GTPBP4: variants seen among roughly 807,000 people sequenced by gnomAD.
GTPBP4 encodes GTP binding protein 4.
A neutral mutation model predicts 81.7 loss-of-function variants in GTPBP4; 15 were observed. The observed-to-expected ratio is 0.18, with a 90% CI of 0.12 to 0.28. The LOEUF (loss-of-function observed/expected upper bound fraction) is 0.28. GTPBP4 is among the 10% of genes least tolerant of loss of function. The pLI is 1.00. For missense variants in GTPBP4, 847 were observed against 793.8 expected, an observed-to-expected ratio of 1.07 and a Z score of -0.81; for synonymous variants, 272 against 274.6, an observed-to-expected ratio of 0.99 and a Z score of 0.09.
chr10:1,006,027 A>G, intron 9 of GTPBP4, 120 bp downstream of exon 9: 1 of 624,992 alleles, frequency 1.6e-6, no homozygotes, highest in Non-Finnish European at 2.8e-6. Context: ...CCCTCGCAGT[A>G]GCGAGGCGGG....
rs1480793428 is a variant in GTPBP4 at position 1,018,686 on chromosome 10, T to G, written c.*1459T>G. 6.6e-6 allele frequency: 1 copy of G among 151,332 alleles called. No individual in the cohort carries two copies. The highest frequency in any genetic ancestry group is 1.5e-5 in the Non-Finnish European group (1 of 68,000). The allele number at this position is 151,332 out of a possible 1,614,324, so 9.4% of individuals were successfully genotyped here. A position where few individuals can be genotyped will look rare whatever the true frequency, so the allele number is the denominator to read the frequency against. On this transcript the variant is annotated 3_prime_UTR_variant, in exon 17 of 17. Coordinates refer to ENST00000360803, the MANE Select transcript of GTPBP4 (RefSeq NM_012341.3). ...AGCTGGGTGTGGTGGCGGGCGCCTGTAGTCCCAACTACTTGGGAGGCTGAG... is the reference window on the plus strand; with the variant it reads ...AGCTGGGTGTGGTGGCGGGCGCCTGGAGTCCCAACTACTTGGGAGGCTGAG...
chr10:988,667 G>A (rs532494737), intron 1 of GTPBP4, 140 bp downstream of exon 1: 3 of 650,684 alleles, frequency 4.6e-6, no homozygotes, highest in East Asian at 2.7e-5. Context: ...CCGTCTGGCC[G>A]CGTACTCGGG....
Position 990,918 on chromosome 10 carries a change from C to A in GTPBP4, c.49-1571C>A, listed in dbSNP as rs537180438. On this transcript the variant is annotated intron_variant, in intron 1 of 16. Transcript: ENST00000360803. ...TGACTTGGTCCCCCTTCAGGATGTGCGAACGGCATTAGGTGCAGAAGAACG... is the reference window on the plus strand; with the variant it reads ...TGACTTGGTCCCCCTTCAGGATGTGAGAACGGCATTAGGTGCAGAAGAACG... 1.1e-4 allele frequency among the ~76,000 whole-genome samples: 16 copies of A among 151,672 alleles called. No homozygotes were observed. The East Asian group carries it at 2.7e-3, about 26-fold the overall frequency.
At chr10:997,553 CTTTG>C (rs1831556467) in intron 5 of GTPBP4, among the ~76,000 whole-genome samples, 2 of 152,380 alleles carry the variant, frequency 1.3e-5, no homozygotes, top group Non-Finnish European at 2.9e-5. Flanking sequence ...TGAGGATTTA[CTTTG>C]TCTGTATCTA....
rs1262100615 is a variant in GTPBP4 at position 996,903 on chromosome 10, T to C, written c.461-305T>C. The C allele has an allele frequency of 3.3e-5, 11 of 328,896 alleles. No homozygotes were observed. In the East Asian group the frequency reaches 6.4e-4, roughly 19 times the overall value. The allele number at this position is 328,896 out of a possible 1,614,324, so 20.4% of individuals were successfully genotyped here. A position where few individuals can be genotyped will look rare whatever the true frequency, so the allele number is the denominator to read the frequency against. ...TGGTTCCCTAATGTCATCTTGCTAA[T>C]GAGAATTGTCTGGACACTGCCAGAC... On this transcript the variant is annotated intron_variant, in intron 4 of 16. Transcript: ENST00000360803.
intron 8 of GTPBP4, 128 bp downstream of exon 8, chr10:1,001,141 T>G: frequency 1.5e-6 from 1 of 662,460 alleles, no homozygotes; most frequent in Non-Finnish European, 2.7e-6. Flanking sequence ...GTTGAGATAA[T>G]ATCCTCAGTG....
chr10:1,014,295 A>G lies in GTPBP4; in HGVS notation c.1591A>G (p.Met531Val), dbSNP rs781707444. The change falls in exon 15 of 17, where the codon ATG becomes GTG. Residue 531 changes from methionine (M) to valine (V), a missense_variant. This residue lies in a region of GTPBP4 where 600 missense variants were observed against 557.1 expected (regional missense o/e 1.08). Coordinates refer to ENST00000360803, the MANE Select transcript of GTPBP4 (RefSeq NM_012341.3). ...EKEMRSLGVD[M>V]DDKDDAHYAV... ...GGAGATGCGTAGTCTTGGTGTTGAC[A>G]TGGACGATAAAGACGATGTGAGTGT... is the stretch of plus-strand genomic sequence containing the variant. The G allele has an allele frequency of 7.5e-6, 12 of 1,608,612 alleles. No homozygotes were observed. Among genetic ancestry groups the G allele is most frequent in the South Asian group, 6.6e-5 (6 of 90,996 alleles).
chr10:1,000,235 C>CTTTT (rs11331615), intron 6 of GTPBP4, among the ~76,000 whole-genome samples: 24 of 49,262 alleles, frequency 4.9e-4, no homozygotes, highest in African/African-American at 7.0e-4. Context: ...GGGAGACCTA[C>CTTTT]TTTTTTTTTT....
chr10:1,009,472 C>T (rs1468304203), intron 11 of GTPBP4, 57 bp from the exon 12 acceptor site: 3 of 1,100,404 alleles, frequency 2.7e-6, no homozygotes, highest in Non-Finnish European at 4.2e-6. Context: ...AGGGGCAGAG[C>T]ATTTCTGGAT....
chr10:990,959 G>A (rs1831431651), intron 1 of GTPBP4, among the ~76,000 whole-genome samples: 1 of 151,894 alleles, frequency 6.6e-6, no homozygotes, highest in African/African-American at 2.4e-5. Flanking sequence ...AAGATCTTGT[G>A]TGGGCCCAGA....
chr10:1,011,898 G>A (rs2127604), intron 13 of GTPBP4, among the ~76,000 whole-genome samples: 8,537 of 152,292 alleles, frequency 0.056, 432 homozygotes, highest in African/African-American at 0.14. Flanking sequence ...AGCTGTGCCC[G>A]TGCCATCCCC....
intron 8 of GTPBP4, among the ~76,000 whole-genome samples, chr10:1,005,055 C>T (rs1202325682): frequency 6.6e-6 from 1 of 152,176 alleles, no homozygotes; most frequent in African/African-American, 2.4e-5. Flanking sequence ...TGCTTACCCC[C>T]TCACCGTAGG....
rs1832062096 is a variant in GTPBP4 at position 1,019,927 on chromosome 10, A to T, written c.*2700A>T. The T allele has an allele frequency of 2.0e-6, 2 of 993,772 alleles. No homozygotes were observed. The highest frequency in any genetic ancestry group is 4.8e-5 in the East Asian group (2 of 41,268). The allele number at this position is 993,772 out of a possible 1,614,324, so 61.6% of individuals were successfully genotyped here. On this transcript the variant is annotated 3_prime_UTR_variant, in exon 17 of 17. Coordinates refer to ENST00000360803, the MANE Select transcript of GTPBP4 (RefSeq NM_012341.3). ...GAAAATAAACACATTTGTTTTCCTC[A>T]GAAAATGAACACTTTCTTTGGTAAT...
chr10:1,009,016 A>G lies in GTPBP4; in HGVS notation c.1172A>G (p.Glu391Gly). The G allele has an allele frequency of 6.2e-7, 1 of 1,611,540 alleles. No homozygotes were observed. Among genetic ancestry groups the G allele is most frequent in the Non-Finnish European group, 8.5e-7 (1 of 1,177,634 alleles). The change falls in exon 11 of 17, where the codon GAG becomes GGG. Residue 391 changes from glutamate (E) to glycine (G), a missense_variant. By Grantham distance (98) the Glu-to-Gly change is moderately conservative. Around this residue, in one of 3 missense-constraint regions of GTPBP4, gnomAD observed 600 missense variants for 557.1 expected, o/e 1.08. Coordinates refer to ENST00000360803, the MANE Select transcript of GTPBP4 (RefSeq NM_012341.3). ...VVARRKRMET[E>G]ESRKKRERDL... ...GCTCGCAGGAAGAGGATGGAAACTG[A>G]GGAGTCCAGGAAGAAGAGGGTATGC... is the stretch of plus-strand genomic sequence containing the variant.
rs1211133094 is a variant in GTPBP4, at chr10:1,012,337, G to T, written c.1345-128G>T. The T allele has an allele frequency of 2.3e-5, 15 of 647,228 alleles. 1 individual carries two copies. The South Asian group carries it at 2.8e-4, about 12-fold the overall frequency. The allele number at this position is 647,228 out of a possible 1,614,324, so 40.1% of individuals were successfully genotyped here. On this transcript the variant is annotated intron_variant, in intron 13 of 16. Coordinates refer to ENST00000360803, the MANE Select transcript of GTPBP4 (RefSeq NM_012341.3). ...TGGCACATAGGCAGGGCCCAGGTGG[G>T]TCTGGACCAGGGCAATCGCTCTCCT... is the stretch of plus-strand genomic sequence containing the variant.
At chr10:995,786 TAGAC>T in intron 2 of GTPBP4, 139 bp from the exon 3 acceptor site, 1 of 604,024 alleles carries the variant, frequency 1.7e-6, no homozygotes, top group Non-Finnish European at 3.0e-6. Context: ...GAGGACTAAA[TAGAC>T]AGGGCCCCTG....
chr10:1,016,963 T>C lies in GTPBP4; in HGVS notation c.1753-112T>C, dbSNP rs915834486. On this transcript the variant is annotated intron_variant, in intron 16 of 16. Transcript: ENST00000360803. ...GAGAAAAGAGATGTAACAGGGTCTC[T>C]TCGCTGAGCAGACCTGAGCCATTAA... The C allele has an allele frequency of 9.1e-6, 7 of 769,152 alleles. No homozygotes were observed. The African/African-American group carries it at 1.1e-4, about 12-fold the overall frequency. The allele number at this position is 769,152 out of a possible 1,614,324, so 47.6% of individuals were successfully genotyped here.
At chr10:1,005,514 G>C (rs1831712870) in intron 8 of GTPBP4, among the ~76,000 whole-genome samples, 1 of 152,150 alleles carries the variant, frequency 6.6e-6, no homozygotes, top group South Asian at 2.1e-4. Flanking sequence ...TGTTACTCCT[G>C]TGATGCCCTC....
At chr10:1,012,317 C>A in intron 13 of GTPBP4, 148 bp from the exon 14 acceptor site, 1 of 561,794 alleles carries the variant, frequency 1.8e-6, no homozygotes, top group Non-Finnish European at 3.2e-6. Flanking sequence ...GTAAATGGCA[C>A]ATAGGCAGGG....
Sources: gnomAD v4.1 joint callset for allele counts (sites outside exome capture counted in the v4.1 genomes callset) on GRCh38, gnomAD v4.1.1 for gene constraint, gnomAD v4.1.1 regional missense constraint, MANE v1.5 for transcripts, NCBI Gene and HGNC (gene_info 2026-07-23, HGNC 2026-07-21) for gene names.